The following ZNF433 variants were observed in gnomAD, a reference collection of about 807,000 sequenced individuals.
ZNF433 encodes the protein zinc finger protein 433.
A neutral mutation model predicts 10.6 loss-of-function variants in ZNF433; 12 were observed. The ratio of observed to expected loss-of-function variants is 1.13; its 90% CI spans 0.72 to 1.83. The LOEUF (loss-of-function observed/expected upper bound fraction) is 1.83, where lower values mean the gene tolerates loss of function less well. Ranked by LOEUF, ZNF433 falls within the 40% of genes most tolerant of loss-of-function variation. The pLI, the probability that ZNF433 is intolerant of heterozygous loss-of-function variation, is 0.00. For synonymous variants in ZNF433, 272 were observed against 271.3 expected (o/e 1.00, Z -0.02); for missense variants, 737 against 798.0 (o/e 0.92, Z 0.92).
intron 1 of ZNF433, among the ~76,000 whole-genome samples, chr19:12,033,067 C>T (rs553620783): frequency 1.1e-3 from 166 of 152,044 alleles, no homozygotes; most frequent in Middle Eastern, 0.01. Context: ...CACTGTGCCC[C>T]TGTGTGCCCC....
chr19:12,031,305 A>C (rs552295603), intron 1 of ZNF433, among the ~76,000 whole-genome samples: 43 of 130,668 alleles, frequency 3.3e-4, no homozygotes, highest in East Asian at 1.2e-3. Context: ...AAAAAAAAAA[A>C]AAAAACAAAA....
Position 12,020,972 on chromosome 19 carries a change from G to GT in ZNF433, c.4-2681dup, listed in dbSNP as rs796891710. Among the ~76,000 whole-genome samples the GT allele has an allele frequency of 9.9e-3, 1,354 of 136,698 alleles. 18 individuals are homozygous for GT. Among genetic ancestry groups the GT allele is most frequent in the East Asian group, 0.066 (315 of 4,738 alleles). 89.7% of individuals were successfully genotyped at this position (136,698 alleles called of 152,430 possible). ...GGGTCTTAAGGACTCCTGCTTTACT[G>GT]TTTTTTTTTTTTTCTTTTTTTTTGA... On this transcript the variant is annotated intron_variant, in intron 1 of 3. Coordinates refer to ENST00000550507, the MANE Select transcript of ZNF433 (RefSeq NM_001308348.2).
At position 12,015,981 on chromosome 19, in the gene ZNF433, A is replaced by G. The variant is rs772299294; in HGVS notation, c.877T>C (p.Ser293Pro). 5 of 1,613,730 alleles carry G rather than the reference A, an allele frequency of 3.1e-6. No homozygotes were observed. In the Admixed American group the frequency reaches 5.0e-5, roughly 16 times the overall value. Reference sequence around the variant, plus strand: ...TGAGTTCTTTCATGTATTTGAAAGGAATGGGAAGAGCTGAAGGCTTTCCCA... The same window carrying G: ...TGAGTTCTTTCATGTATTTGAAAGGGATGGGAAGAGCTGAAGGCTTTCCCA... ...QCGKAFSSSH[S>P]FQIHERTHTG... The change falls in exon 4 of 4, where the codon TCC becomes CCC. Residue 293 changes from serine to proline, a missense_variant. Coordinates refer to ENST00000550507, the MANE Select transcript of ZNF433 (RefSeq NM_001308348.2).
chr19:12,034,226 G>A lies in ZNF433; in HGVS notation c.3+1311C>T, dbSNP rs564811569. ...TGGGCTTAACCAGGTACAATTGGTCGAGTAACCTCTGATTATACAACCAAA... is the reference window on the plus strand; with the variant it reads ...TGGGCTTAACCAGGTACAATTGGTCAAGTAACCTCTGATTATACAACCAAA... On this transcript the variant is annotated intron_variant, in intron 1 of 3. Transcript: ENST00000550507. 3.9e-5 allele frequency among the ~76,000 whole-genome samples: 6 copies of A among 152,280 alleles called. No homozygotes were observed. In the South Asian group the frequency reaches 1.0e-3, roughly 26 times the overall value.
chr19:12,017,842 A>T, intron 3 of ZNF433, 34 bp downstream of exon 3: 1 of 1,299,412 alleles, frequency 7.7e-7, no homozygotes, highest in African/African-American at 1.5e-5. Context: ...GATTTTCTAG[A>T]GACACACGTC....
At position 12,017,866 on chromosome 19, in the gene ZNF433, T is replaced by C; in HGVS notation, c.191+10A>G. The C allele has an allele frequency of 6.4e-7, 1 of 1,555,984 alleles. No individual in the cohort carries two copies. Among genetic ancestry groups the C allele is most frequent in the South Asian group, 1.2e-5 (1 of 83,148 alleles). ...GAGACACACGTCTTTGTCATGTGAG[T>C]GCAAGTTACCTTAGGTTTCTCCTTA... On this transcript the variant is annotated intron_variant, in intron 3 of 3. Transcript: ENST00000550507.
chr19:12,022,169 G>A (rs918321479), intron 1 of ZNF433: 11 of 389,648 alleles, frequency 2.8e-5, no homozygotes, highest in Non-Finnish European at 5.3e-5. Context: ...ACCCAGGGTA[G>A]AAAACCACTT....
Position 12,016,549 on chromosome 19 carries a change from G to A in ZNF433, c.309C>T (p.Ser103=). The A allele has an allele frequency of 6.2e-7, 1 of 1,614,094 alleles. No individual in the cohort carries two copies. Among genetic ancestry groups the A allele is most frequent in the Non-Finnish European group, 8.5e-7 (1 of 1,180,034 alleles). ...CACTGCCTACTTCTCCATACACACTGCTTTCGCATGATTTTACTCCAGTAG... is the reference window on the plus strand; with the variant it reads ...CACTGCCTACTTCTCCATACACACTACTTTCGCATGATTTTACTCCAGTAG... ...KTTTGVKSCE[S]SVYGEVGSAH... Residue 103 remains serine, a synonymous_variant, in exon 4 of 4, where the codon AGC becomes AGT. Transcript: ENST00000550507.
Position 12,016,627 on chromosome 19 carries a change from A to ATG in ZNF433, c.229_230dup (p.Gln78IlefsTer7), listed in dbSNP as rs1461164934. 6.2e-7 allele frequency: 1 copy of ATG among 1,614,160 alleles called. No homozygotes were observed. The highest frequency in any genetic ancestry group is 1.7e-5 in the Admixed American group (1 of 60,008). ...CCTGGGTCAAAATTTCTCCATGCTG[A>ATG]TGACCTTCTTTACTTTCAAAGAGTC... On this transcript the variant is annotated frameshift_variant, in exon 4 of 4. Coordinates refer to ENST00000550507, the MANE Select transcript of ZNF433 (RefSeq NM_001308348.2). LOFTEE classifies it low-confidence loss of function (END_TRUNC).
rs1017024350 is a variant in ZNF433, at chr19:12,027,320, T to C, written c.3+8217A>G. ...CATGATAAAGCCACCTTTGCTTTTA[T>C]TGTCTTGCAAAAACAAAAAGGGGGA... On this transcript the variant is annotated intron_variant, in intron 1 of 3. Transcript: ENST00000550507. The C allele has an allele frequency of 2.8e-5, 9 of 318,454 alleles. No homozygotes were observed. The Admixed American group carries it at 3.4e-4, about 12-fold the overall frequency. 19.7% of individuals were successfully genotyped at this position (318,454 alleles called of 1,614,324 possible). A position where few individuals can be genotyped will look rare whatever the true frequency, so the allele number is the denominator to read the frequency against.
chr19:12,014,902 A>C lies in ZNF433; in HGVS notation c.1956T>G (p.Phe652Leu). 1 of 1,613,154 alleles carries C rather than the reference A, an allele frequency of 6.2e-7. No individual in the cohort carries two copies. Residue 652 changes from phenylalanine (F) to leucine (L), a missense_variant, in exon 4 of 4, where the codon TTT (phenylalanine) becomes TTG (leucine). Phe to Leu is a conservative substitution (Grantham distance 22). Transcript: ENST00000550507. ...PYKCNQCGKV[F>L]RCSSQLQVHG... is the part of the protein sequence containing the mutation. The stretch of plus-strand genomic sequence containing the variant: ...GCACTTGAAGTTGTGAAGAACATCT[A>C]AAGACTTTACCACATTGGTTACATT...
rs1429646089 is a variant in ZNF433, at chr19:12,015,199, G to A, written c.1659C>T (p.His553=). ...ASQLQIHGRT[H]TGEKPYECKQ... ...TACATTCATAAGGTTTCTCTCCAGT[G>A]TGAGTCCTTCCATGAATTTGAAGCT... Residue 553 remains histidine (H), a synonymous_variant, in exon 4 of 4, where the codon CAC becomes CAT. Transcript: ENST00000550507. The A allele has an allele frequency of 2.5e-6, 4 of 1,613,932 alleles. No individual in the cohort carries two copies. Among genetic ancestry groups the A allele is most frequent in the Non-Finnish European group, 3.4e-6 (4 of 1,179,944 alleles).
At chr19:12,031,754 G>A (rs1490959696) in intron 1 of ZNF433, among the ~76,000 whole-genome samples, 1 of 151,984 alleles carries the variant, frequency 6.6e-6, no homozygotes, top group Non-Finnish European at 1.5e-5. Context: ...GCTGGGCAGA[G>A]TGGCATGCAC....
At chr19:12,034,545 A>G in intron 1 of ZNF433, 1 of 275,666 alleles carries the variant, frequency 3.6e-6, no homozygotes. Context: ...CTCTGTGACA[A>G]TAAGAAACCA....
chr19:12,015,193 T>G lies in ZNF433; in HGVS notation c.1665A>C (p.Gly555=). 1 of 1,614,024 alleles carries G rather than the reference T, an allele frequency of 6.2e-7. No homozygotes were observed. Among genetic ancestry groups the G allele is most frequent in the Non-Finnish European group, 8.5e-7 (1 of 1,179,920 alleles). ...QLQIHGRTHT[G]EKPYECKQCG... The stretch of plus-strand genomic sequence containing the variant: ...ACTGCTTACATTCATAAGGTTTCTC[T>G]CCAGTGTGAGTCCTTCCATGAATTT... Residue 555 remains glycine, a synonymous_variant, in exon 4 of 4, where the codon GGA becomes GGC. Transcript: ENST00000550507.
At chr19:12,033,181 C>T (rs1975113964) in intron 1 of ZNF433, among the ~76,000 whole-genome samples, 1 of 152,150 alleles carries the variant, frequency 6.6e-6, no homozygotes, top group African/African-American at 2.4e-5. Context: ...GCAGAATCCA[C>T]CTCCCAGGTC....
chr19:12,034,819 G>A (rs1483100036), intron 1 of ZNF433: 4 of 446,546 alleles, frequency 9.0e-6, no homozygotes, highest in South Asian at 6.2e-5. Flanking sequence ...TTCTGCCAAA[G>A]GAACTTACAC....
At chr19:12,020,719 C>A (rs1974445607) in intron 1 of ZNF433, among the ~76,000 whole-genome samples, 1 of 151,898 alleles carries the variant, frequency 6.6e-6, no homozygotes. Context: ...GAGTTCGAGA[C>A]CAGACTGATT....
intron 1 of ZNF433, chr19:12,027,140 G>T: frequency 4.5e-6 from 2 of 448,224 alleles, no homozygotes; most frequent in South Asian, 3.2e-5. Flanking sequence ...TGGAGTGCTT[G>T]AAGGAGCTGC....
Sources: allele counts gnomAD v4.1 joint callset (sites outside exome capture counted in the v4.1 genomes callset), GRCh38; gene constraint gnomAD v4.1.1; transcripts MANE v1.5; gene names NCBI Gene and HGNC (gene_info 2026-07-23, HGNC 2026-07-21).